TENM3: variants seen among roughly 807,000 people sequenced by gnomAD.
TENM3 encodes the protein teneurin-3.
A neutral mutation model predicts 255.1 loss-of-function variants in TENM3; 63 were observed. The observed-to-expected ratio is 0.25, with a 90% CI of 0.20 to 0.30. The LOEUF is 0.30. Ranked by LOEUF, TENM3 falls within the 10% of genes least tolerant of loss-of-function variation. TENM3 has a pLI of 1.00. For synonymous variants in TENM3, 1,306 were observed against 1,322.3 expected, an observed-to-expected ratio of 0.99 and a Z score of 0.27; for missense variants, 2,929 against 3,461.1, an observed-to-expected ratio of 0.85 and a Z score of 3.86.
chr4:182,469,912 G>A (rs1425110609), intron 3 of TENM3, among the ~76,000 whole-genome samples: 3 of 151,890 alleles, frequency 2.0e-5, no homozygotes, highest in Non-Finnish European at 4.4e-5. Flanking sequence ...ATTTTTTTCT[G>A]TTGTCTCAGA....
rs777958291 is a variant in TENM3 at position 182,695,161 on chromosome 4, G to A, written c.2221+6810G>A. Among the ~76,000 whole-genome samples, 51 of 152,114 alleles carry A rather than the reference G, an allele frequency of 3.4e-4. 1 individual carries two copies. The highest frequency in any genetic ancestry group is 1.5e-4 in the Non-Finnish European group (10 of 68,022). On this transcript the variant is annotated intron_variant, in intron 12 of 27. Transcript: ENST00000511685. Reference sequence around the variant, plus strand: ...ATCATACCCACAAATAGCTGTTCTGGGAGGCATTTGGCTTCACATCAGTCA... The same window carrying A: ...ATCATACCCACAAATAGCTGTTCTGAGAGGCATTTGGCTTCACATCAGTCA...
chr4:182,222,821 AG>A (rs543832340), intron 1 of TENM3, among the ~76,000 whole-genome samples: 73 of 152,274 alleles, frequency 4.8e-4, no homozygotes, highest in African/African-American at 1.4e-3. Context: ...CTCTGGAGAA[AG>A]TTCCTGAAAT....
the TENM3 span, among the ~76,000 whole-genome samples, chr4:181,506,495 T>C: frequency 8.5e-5 from 13 of 152,062 alleles, no homozygotes; most frequent in Non-Finnish European, 1.0e-4. Context: ...ATCTAAAGAA[T>C]GCCTGAAGGA....
chr4:181,789,258 T>TTTTA, the TENM3 span, among the ~76,000 whole-genome samples: 1 of 111,526 alleles, frequency 9.0e-6, no homozygotes, highest in Non-Finnish European at 2.0e-5. Context: ...TTTTATTTTA[T>TTTTA]TTATTTTATT....
the TENM3 span, among the ~76,000 whole-genome samples, chr4:181,659,130 A>G: frequency 6.6e-6 from 1 of 152,234 alleles, no homozygotes; most frequent in Non-Finnish European, 1.5e-5. Context: ...AGCATTCCTA[A>G]TTTTGCTTTA....
At chr4:181,975,927 G>A in the TENM3 span, 10 of 152,184 alleles carry the variant, frequency 6.6e-5, no homozygotes, top group African/African-American at 2.4e-4. Flanking sequence ...CAAGGTGTCA[G>A]CAAGGTTGGT....
chr4:182,732,976 G>A (rs1760892709), intron 16 of TENM3, among the ~76,000 whole-genome samples: 1 of 152,216 alleles, frequency 6.6e-6, no homozygotes, highest in Non-Finnish European at 1.5e-5. Flanking sequence ...GCTGTTATGT[G>A]AGAACAAAGC....
intron 2 of TENM3, among the ~76,000 whole-genome samples, chr4:182,334,924 T>C (rs1423488689): frequency 6.6e-6 from 1 of 152,166 alleles, no homozygotes; most frequent in Non-Finnish European, 1.5e-5. Context: ...AGAATCATTT[T>C]CTTATAAAAC....
At chr4:181,828,984 A>G in the TENM3 span, among the ~76,000 whole-genome samples, 1 of 152,246 alleles carries the variant, frequency 6.6e-6, no homozygotes, top group Non-Finnish European at 1.5e-5. Flanking sequence ...CCCTGTGTGC[A>G]TTGAGGTGCC....
intron 1 of TENM3, among the ~76,000 whole-genome samples, chr4:182,217,777 T>C (rs1755593457): frequency 6.6e-6 from 1 of 152,234 alleles, no homozygotes; most frequent in African/African-American, 2.4e-5. Context: ...TGTGATATTA[T>C]TTGAGATTTC....
rs75131329 is a variant in TENM3, at chr4:182,709,996, T to C, written c.2222-4091T>C. ...ACCTACCTTTACCTGTAAATCAATCTACAGCTTTGCATAATTGATTCTGTT... is the reference window on the plus strand; with the variant it reads ...ACCTACCTTTACCTGTAAATCAATCCACAGCTTTGCATAATTGATTCTGTT... On this transcript the variant is annotated intron_variant, in intron 12 of 27. Coordinates refer to ENST00000511685, the MANE Select transcript of TENM3 (RefSeq NM_001080477.4). Among the ~76,000 whole-genome samples the C allele has an allele frequency of 8.6e-3, 1,304 of 152,330 alleles. 19 individuals are homozygous for C. The highest frequency in any genetic ancestry group is 0.028 in the African/African-American group (1,182 of 41,572).
At chr4:182,638,073 C>T (rs1285406730) in intron 5 of TENM3, among the ~76,000 whole-genome samples, 2 of 150,082 alleles carry the variant, frequency 1.3e-5, no homozygotes, top group Non-Finnish European at 3.0e-5. Context: ...ACTTAGTTTA[C>T]CTAGAGCCCA....
At chr4:182,198,780 G>A (rs944656094) in intron 1 of TENM3, among the ~76,000 whole-genome samples, 3 of 152,134 alleles carry the variant, frequency 2.0e-5, no homozygotes, top group African/African-American at 7.2e-5. Flanking sequence ...ACAGAGCAGA[G>A]GGAAGCAAAG....
At chr4:181,812,998 T>C in the TENM3 span, among the ~76,000 whole-genome samples, 1 of 152,282 alleles carries the variant, frequency 6.6e-6, no homozygotes, top group African/African-American at 2.4e-5. Context: ...CTCTTGAAGA[T>C]AACCTCTTAG....
the TENM3 span, among the ~76,000 whole-genome samples, chr4:181,804,114 G>C: frequency 7.4e-6 from 1 of 135,646 alleles, no homozygotes; most frequent in African/African-American, 2.6e-5. Flanking sequence ...GAAGGAGAAG[G>C]AGGGAGGGAA....
At chr4:182,679,227 A>T (rs138621388) in intron 7 of TENM3, among the ~76,000 whole-genome samples, 49 of 152,310 alleles carry the variant, frequency 3.2e-4, no homozygotes, top group African/African-American at 1.1e-3. Context: ...AAGAAAGAGT[A>T]GAATGATGGA....
At chr4:181,647,816 A>G in the TENM3 span, among the ~76,000 whole-genome samples, 1 of 152,140 alleles carries the variant, frequency 6.6e-6, no homozygotes, top group Non-Finnish European at 1.5e-5. Flanking sequence ...GCGCTCAGGG[A>G]AACCGAACGG....
At chr4:181,624,934 T>C in the TENM3 span, among the ~76,000 whole-genome samples, 1 of 152,184 alleles carries the variant, frequency 6.6e-6, no homozygotes, top group East Asian at 1.9e-4. Flanking sequence ...AGGATCTTTC[T>C]TCCTCAAGGA....
chr4:182,685,262 C>T (rs1756486641), intron 11 of TENM3, among the ~76,000 whole-genome samples: 1 of 151,952 alleles, frequency 6.6e-6, no homozygotes, highest in South Asian at 2.1e-4. Flanking sequence ...TATTCATTCT[C>T]CCTCATCTTT....
Sources: gnomAD v4.1 joint callset for allele counts (sites outside exome capture counted in the v4.1 genomes callset) on GRCh38, gnomAD v4.1.1 for gene constraint, MANE v1.5 for transcripts, NCBI Gene and HGNC (gene_info 2026-07-23, HGNC 2026-07-21) for gene names.